Variants in LAMA4 observed in about 807,000 individuals in gnomAD.
LAMA4 encodes the protein laminin subunit alpha 4, also known as laminin subunit alpha-4.
A neutral mutation model predicts 207.1 loss-of-function variants in LAMA4; 127 were observed. The observed-to-expected ratio is 0.61, with a 90% confidence interval of 0.53 to 0.71. The LOEUF (loss-of-function observed/expected upper bound fraction) is 0.71. Among genes scored for constraint, LAMA4 ranks in the 30% least tolerant of loss-of-function variants. The probability of loss-of-function intolerance (pLI) is 0.00; values close to 1 mark genes in which losing one functional copy is unlikely to be tolerated. For synonymous variants in LAMA4, 761 were observed against 816.0 expected (o/e 0.93, Z 1.15); for missense variants, 2,093 against 2,246.5 (o/e 0.93, Z 1.38).
chr6:112,190,934 T>TG (rs1783038952), intron 6 of LAMA4, among the ~76,000 whole-genome samples: 2 of 62,696 alleles, frequency 3.2e-5, no homozygotes, highest in African/African-American at 1.3e-4. Context: ...TTTCTTTCTT[T>TG]CTTTCTTTCT....
At chr6:112,198,507 A>G (rs1412236308) in intron 5 of LAMA4, among the ~76,000 whole-genome samples, 1 of 152,174 alleles carries the variant, frequency 6.6e-6, no homozygotes, top group African/African-American at 2.4e-5. Context: ...TCTTAACCCC[A>G]GGGTCAAACA....
chr6:112,129,934 G>C lies in LAMA4; in HGVS notation c.4075C>G (p.Pro1359Ala). ...SEKKFYFGGS[P>A]ISAQYANFTG... Reference sequence around the variant, plus strand: ...AAATTAGCATACTGAGCACTGATTGGTGAGCCACCGAAGTAAAACTTCTTT... The same window carrying C: ...AAATTAGCATACTGAGCACTGATTGCTGAGCCACCGAAGTAAAACTTCTTT... Residue 1359 changes from proline to alanine, a missense_variant, in exon 30 of 39, where the codon CCA (proline) becomes GCA (alanine). By Grantham distance (27) the Pro-to-Ala change is conservative. Around this residue, in one of 3 missense-constraint regions of LAMA4, gnomAD observed 1,704 missense variants for 1,788.4 expected, o/e 0.95. Coordinates refer to ENST00000230538, the MANE Select transcript of LAMA4 (RefSeq NM_001105206.3). 6.2e-7 allele frequency: 1 copy of C among 1,612,886 alleles called. No homozygotes were observed. The highest frequency in any genetic ancestry group is 1.3e-5 in the African/African-American group (1 of 74,978).
intron 28 of LAMA4, among the ~76,000 whole-genome samples, chr6:112,132,213 C>T (rs1284423647): frequency 1.3e-5 from 2 of 152,022 alleles, no homozygotes; most frequent in Non-Finnish European, 2.9e-5. Flanking sequence ...TACTGAAATA[C>T]AGTTTTCAAA....
Position 112,129,944 on chromosome 6 carries a change from G to C in LAMA4, c.4065C>G (p.Phe1355Leu). The C allele has an allele frequency of 1.9e-6, 3 of 1,612,694 alleles. No individual in the cohort carries two copies. Among genetic ancestry groups the C allele is most frequent in the Non-Finnish European group, 2.5e-6 (3 of 1,179,108 alleles). ...ACTGAGCACTGATTGGTGAGCCACC[G>C]AAGTAAAACTTCTTTTCACTTGCTT... ...QTQASEKKFY[F>L]GGSPISAQYA... The change falls in exon 30 of 39, where the codon TTC (phenylalanine) becomes TTG (leucine). Residue 1355 changes from phenylalanine (F) to leucine (L), a missense_variant. By Grantham distance (22) the Phe-to-Leu change is conservative. Coordinates refer to ENST00000230538, the MANE Select transcript of LAMA4 (RefSeq NM_001105206.3).
Position 112,254,156 on chromosome 6 carries a change from C to T in LAMA4, c.-6G>A. 1 of 1,612,680 alleles carries T rather than the reference C, an allele frequency of 6.2e-7. No homozygotes were observed. The highest frequency in any genetic ancestry group is 1.3e-5 in the African/African-American group (1 of 75,064). On this transcript the variant is annotated 5_prime_UTR_variant, in exon 2 of 39. Coordinates refer to ENST00000230538, the MANE Select transcript of LAMA4 (RefSeq NM_001105206.3). ...CAGGCTGAGCTCAAAGCCATTTCTC[C>T]GCTGACATCCAGTAGTGCTCTTCCA...
At chr6:112,234,408 T>C (rs1211942749) in intron 2 of LAMA4, 2 of 152,164 alleles carry the variant, frequency 1.3e-5, no homozygotes, top group Admixed American at 1.3e-4. Flanking sequence ...AGCTGAGATA[T>C]AGCACATAAA....
chr6:112,143,912 A>G (rs895678292), intron 19 of LAMA4, among the ~76,000 whole-genome samples: 1 of 152,300 alleles, frequency 6.6e-6, no homozygotes, highest in Non-Finnish European at 1.5e-5. Flanking sequence ...AATTTGTCAC[A>G]AGGGACCATT....
At chr6:112,116,662 T>C (rs1778037003) in intron 35 of LAMA4, among the ~76,000 whole-genome samples, 1 of 152,220 alleles carries the variant, frequency 6.6e-6, no homozygotes, top group Admixed American at 6.6e-5. Flanking sequence ...AGAATAGTTG[T>C]GTTTACTCCA....
At chr6:112,136,282 G>A in intron 24 of LAMA4, 28 bp from the exon 25 acceptor site, 2 of 1,578,748 alleles carry the variant, frequency 1.3e-6, no homozygotes, top group Non-Finnish European at 1.7e-6. Flanking sequence ...TTGTAAGATA[G>A]GAACATCTGT....
intron 36 of LAMA4, 143 bp downstream of exon 36, chr6:112,115,720 A>AC: frequency 5.5e-6 from 5 of 906,648 alleles, no homozygotes; most frequent in Non-Finnish European, 8.8e-6. Flanking sequence ...AATATTGCCC[A>AC]CATTTACATT....
chr6:112,150,347 T>C, intron 17 of LAMA4, 164 bp downstream of exon 17: 1 of 703,980 alleles, frequency 1.4e-6, no homozygotes, highest in South Asian at 1.5e-5. Context: ...TTCTTCTTTT[T>C]GTTTTCTAGA....
intron 38 of LAMA4, 38 bp downstream of exon 38, chr6:112,114,038 T>G: frequency 6.2e-7 from 1 of 1,612,112 alleles, no homozygotes; most frequent in Non-Finnish European, 8.5e-7. Context: ...AACTCAGTTT[T>G]TTGGATTGGG....
intron 8 of LAMA4, chr6:112,186,944 TTTGA>T: frequency 2.2e-6 from 1 of 450,718 alleles, no homozygotes; most frequent in East Asian, 7.0e-5. Flanking sequence ...AATGTCTGCG[TTTGA>T]CTGTGAGTAT....
At chr6:112,235,843 A>G (rs572363392) in intron 2 of LAMA4, among the ~76,000 whole-genome samples, 2 of 152,322 alleles carry the variant, frequency 1.3e-5, no homozygotes, top group South Asian at 4.1e-4. Flanking sequence ...ATATGGGGCC[A>G]AGGCAAAAAA....
At chr6:112,141,982 C>T in intron 20 of LAMA4, 137 bp downstream of exon 20, 1 of 795,688 alleles carries the variant, frequency 1.3e-6, no homozygotes, top group Non-Finnish European at 2.1e-6. Flanking sequence ...TTTAATTTTG[C>T]CATTAAAATG....
chr6:112,165,923 T>C (rs1781358268), intron 12 of LAMA4, among the ~76,000 whole-genome samples: 1 of 152,164 alleles, frequency 6.6e-6, no homozygotes. Context: ...GGCAGGGACA[T>C]TGTGATTCTG....
At chr6:112,231,287 G>A (rs1319987618) in intron 2 of LAMA4, among the ~76,000 whole-genome samples, 1 of 152,130 alleles carries the variant, frequency 6.6e-6, no homozygotes. Context: ...GATGGATGGG[G>A]TAAGGTGGAG....
chr6:112,208,175 G>A (rs543847887), intron 3 of LAMA4, among the ~76,000 whole-genome samples: 1 of 152,222 alleles, frequency 6.6e-6, no homozygotes, highest in Admixed American at 6.5e-5. Context: ...TATACTGTTA[G>A]AATGTCATTG....
chr6:112,112,394 G>A (rs587707837), intron 38 of LAMA4, among the ~76,000 whole-genome samples: 3 of 152,342 alleles, frequency 2.0e-5, no homozygotes, highest in African/African-American at 7.2e-5. Flanking sequence ...AGATCCCGAA[G>A]GCAGGGACAA....
Sources: gnomAD v4.1 joint callset for allele counts (sites outside exome capture counted in the v4.1 genomes callset) on GRCh38, gnomAD v4.1.1 for gene constraint, gnomAD v4.1.1 regional missense constraint, MANE v1.5 for transcripts, NCBI Gene and HGNC (gene_info 2026-07-23, HGNC 2026-07-21) for gene names.